The following DIAPH2 variants were observed in gnomAD, a reference collection of about 807,000 sequenced individuals.
The protein encoded by DIAPH2 is protein diaphanous homolog 2.
A neutral mutation model predicts 92.7 loss-of-function variants in DIAPH2; 35 were observed. The ratio of observed to expected loss-of-function variants is 0.38; its 90% CI spans 0.29 to 0.50. DIAPH2 has a LOEUF of 0.50. Ranked by LOEUF, DIAPH2 falls within the 20% of genes least tolerant of loss-of-function variation. The pLI, the probability that DIAPH2 is intolerant of heterozygous loss-of-function variation, is 0.94. For missense variants in DIAPH2, 701 were observed against 819.5 expected, an observed-to-expected ratio of 0.86 and a Z score of 1.77; for synonymous variants, 301 against 280.4, an observed-to-expected ratio of 1.07 and a Z score of -0.73.
At chrX:97,385,875 T>G (rs1207967953) in intron 25 of DIAPH2, among the ~76,000 whole-genome samples, 7 of 112,203 alleles carry the variant, frequency 6.2e-5, no homozygotes. Flanking sequence ...ATGACAAAAC[T>G]GAGGCACAGA....
At chrX:96,875,021 TG>T (rs758956735) in intron 4 of DIAPH2, among the ~76,000 whole-genome samples, 4 of 112,194 alleles carry the variant, frequency 3.6e-5, no homozygotes, top group African/African-American at 1.3e-4. Context: ...TGACCTCATG[TG>T]TTGAGTCACA....
At chrX:97,185,214 C>T (rs771238108) in intron 22 of DIAPH2, among the ~76,000 whole-genome samples, 3 of 91,275 alleles carry the variant, frequency 3.3e-5, no homozygotes, top group East Asian at 7.0e-4. Flanking sequence ...GCACGAGAAT[C>T]GCCTGAACCC....
chrX:97,507,725 C>A (rs754595766), intron 26 of DIAPH2, among the ~76,000 whole-genome samples: 17 of 111,844 alleles, frequency 1.5e-4, no homozygotes, highest in African/African-American at 5.5e-4. Context: ...TTTGAAACGA[C>A]AAATCTTTTG....
At chrX:97,151,156 G>A (rs769588539) in intron 22 of DIAPH2, among the ~76,000 whole-genome samples, 104 of 111,419 alleles carry the variant, frequency 9.3e-4, no homozygotes, top group Admixed American at 2.4e-3. Context: ...CTGGGGTGTT[G>A]GTCATGTTCT....
At chrX:97,476,204 A>G (rs1051651594) in intron 26 of DIAPH2, among the ~76,000 whole-genome samples, 3 of 112,349 alleles carry the variant, frequency 2.7e-5, no homozygotes, top group African/African-American at 9.7e-5. Flanking sequence ...GTCATGAAAT[A>G]TATACCTATA....
intron 1 of DIAPH2, among the ~76,000 whole-genome samples, chrX:96,715,452 ATGGAGTCAAATGTCT>A (rs937527988): frequency 4.8e-4 from 54 of 111,615 alleles, no homozygotes; most frequent in African/African-American, 1.7e-3. Context: ...CAAGCTATTA[ATGGAGTCAAATGTCT>A]TTGAAAGTCA....
chrX:97,169,984 T>C (rs1412344902), intron 22 of DIAPH2, among the ~76,000 whole-genome samples: 1 of 112,413 alleles, frequency 8.9e-6, no homozygotes, highest in Non-Finnish European at 1.9e-5. Flanking sequence ...TGTTGTTTTT[T>C]GTTATTTTTT....
rs778478282 is a variant in DIAPH2 at position 97,033,454 on chromosome X, A to G, written c.2051-39487A>G. On this transcript the variant is annotated intron_variant, in intron 17 of 26. Coordinates refer to ENST00000324765, the MANE Select transcript of DIAPH2 (RefSeq NM_006729.5). ...CATTAGTCCTTTTGTTGCTCTCCTTATAGGGTTTTTCCCCCTCTTTCTCTC... is the reference window on the plus strand; with the variant it reads ...CATTAGTCCTTTTGTTGCTCTCCTTGTAGGGTTTTTCCCCCTCTTTCTCTC... Among the ~76,000 whole-genome samples the G allele has an allele frequency of 3.6e-5, 4 of 111,667 alleles. No individual in the cohort carries two copies. The East Asian group carries it at 1.1e-3, about 31-fold the overall frequency.
At chrX:96,894,498 G>A (rs766357374) in intron 5 of DIAPH2, among the ~76,000 whole-genome samples, 4 of 111,723 alleles carry the variant, frequency 3.6e-5, no homozygotes, top group Non-Finnish European at 7.5e-5. Context: ...AAGTATTAAT[G>A]AATTTTTCTT....
intron 1 of DIAPH2, among the ~76,000 whole-genome samples, chrX:96,693,284 G>A (rs1172345051): frequency 8.9e-6 from 1 of 112,245 alleles, no homozygotes; most frequent in Non-Finnish European, 1.9e-5. Context: ...AGTCAGTTGG[G>A]TAGTTTTCCT....
chrX:97,347,624 A>C (rs753453118), intron 23 of DIAPH2, among the ~76,000 whole-genome samples: 1 of 111,230 alleles, frequency 9.0e-6, no homozygotes, highest in East Asian at 2.8e-4. Context: ...AAGATCTTCA[A>C]GTCTCACTAA....
intron 23 of DIAPH2, among the ~76,000 whole-genome samples, chrX:97,307,908 CAAAA>C (rs34217377): frequency 3.1e-5 from 2 of 64,846 alleles, no homozygotes; most frequent in Non-Finnish European, 5.7e-5. Flanking sequence ...GACTCTGTCT[CAAAA>C]AAAAAAAAAA....
chrX:97,178,655 G>A (rs943920145), intron 22 of DIAPH2, among the ~76,000 whole-genome samples: 1 of 109,341 alleles, frequency 9.1e-6, no homozygotes, highest in African/African-American at 3.3e-5. Context: ...GTTTCACCAT[G>A]TTGGACGGGT....
At chrX:97,504,742 A>G (rs895007838) in intron 26 of DIAPH2, among the ~76,000 whole-genome samples, 18 of 112,392 alleles carry the variant, frequency 1.6e-4, no homozygotes, top group Non-Finnish European at 3.8e-5. Flanking sequence ...GATGCCAGGT[A>G]AGTAGGAGAA....
At chrX:96,716,465 G>A (rs938020966) in intron 1 of DIAPH2, among the ~76,000 whole-genome samples, 1 of 111,611 alleles carries the variant, frequency 9.0e-6, no homozygotes, top group Non-Finnish European at 1.9e-5. Context: ...CTTATGTATT[G>A]TTTATTTCAG....
chrX:97,117,876 A>T (rs1212899583), intron 21 of DIAPH2, among the ~76,000 whole-genome samples: 1 of 112,129 alleles, frequency 8.9e-6, no homozygotes. Context: ...CATTTCAATG[A>T]AGATGAGCTC....
chrX:97,045,848 A>ACT (rs1239959717), intron 17 of DIAPH2, among the ~76,000 whole-genome samples: 2 of 64,445 alleles, frequency 3.1e-5, no homozygotes, highest in African/African-American at 1.2e-4. Context: ...GTATTTTAGG[A>ACT]TTTTTTTTTT....
intron 7 of DIAPH2, among the ~76,000 whole-genome samples, chrX:96,913,606 G>A (rs935066881): frequency 9.0e-6 from 1 of 111,322 alleles, no homozygotes; most frequent in Non-Finnish European, 1.9e-5. Flanking sequence ...TCCACACAGA[G>A]AATTTCTGTT....
chrX:97,307,501 A>G (rs2068756999), intron 23 of DIAPH2, among the ~76,000 whole-genome samples: 1 of 112,013 alleles, frequency 8.9e-6, no homozygotes, highest in African/African-American at 3.2e-5. Flanking sequence ...CTATGTAAAA[A>G]TTCTTTTTAT....
Sources: gnomAD v4.1 joint callset for allele counts (sites outside exome capture counted in the v4.1 genomes callset) on GRCh38, gnomAD v4.1.1 for gene constraint, MANE v1.5 for transcripts, NCBI Gene and HGNC (gene_info 2026-07-23, HGNC 2026-07-21) for gene names.